Variants in TRMT9B observed in about 807,000 individuals in gnomAD.
TRMT9B encodes the protein tRNA methyltransferase 9B (putative).
Under a neutral mutation model 11.5 loss-of-function variants are expected in TRMT9B, and 16 were observed. The observed-to-expected ratio is 1.39, with a 90% CI of 0.94 to 2.11. TRMT9B has a LOEUF of 2.11. Among genes scored for constraint, TRMT9B ranks in the 30% most tolerant of loss-of-function variants. The pLI is 0.00. For missense variants in TRMT9B, 941 were observed against 553.8 expected, an observed-to-expected ratio of 1.70 and a Z score of -7.02; for synonymous variants, 274 against 192.4, an observed-to-expected ratio of 1.42 and a Z score of -3.51.
At chr8:13,007,423 C>G (rs571419899) in intron 3 of TRMT9B, 2 of 152,170 alleles carry the variant, frequency 1.3e-5, no homozygotes, top group African/African-American at 4.8e-5. Context: ...CCTAAAACTG[C>G]GTTCTAGCAA....
intron 1 of TRMT9B, among the ~76,000 whole-genome samples, chr8:12,989,500 C>T (rs1309788361): frequency 6.6e-6 from 1 of 152,120 alleles, no homozygotes; most frequent in Non-Finnish European, 1.5e-5. Flanking sequence ...CACACATATG[C>T]CTCCTACTTC....
intron 2 of TRMT9B, among the ~76,000 whole-genome samples, chr8:12,991,789 G>C (rs1443733546): frequency 6.6e-6 from 1 of 152,088 alleles, no homozygotes; most frequent in Admixed American, 6.6e-5. Context: ...AACTTAGCCA[G>C]GCGTGGTGGT....
chr8:13,007,048 T>G (rs1478613833), intron 3 of TRMT9B: 1 of 152,292 alleles, frequency 6.6e-6, no homozygotes, highest in Admixed American at 6.5e-5. Context: ...ATTGATTGAC[T>G]AAATCAGGAT....
chr8:13,023,435 C>A lies in TRMT9B; in HGVS notation c.*1391C>A, dbSNP rs539477677. The A allele has an allele frequency of 6.0e-6, 1 of 167,188 alleles. No homozygotes were observed. Among genetic ancestry groups the A allele is most frequent in the South Asian group, 2.1e-4 (1 of 4,826 alleles). 10.4% of individuals were successfully genotyped at this position (167,188 alleles called of 1,614,324 possible). A position where few individuals can be genotyped will look rare whatever the true frequency, so the allele number is the denominator to read the frequency against. ...ATATTAGGAATTTAGGTAGAATCAACTTCTACTGATTACAGGTTGAATTTC... is the reference window on the plus strand; with the variant it reads ...ATATTAGGAATTTAGGTAGAATCAAATTCTACTGATTACAGGTTGAATTTC... On this transcript the variant is annotated 3_prime_UTR_variant, in exon 5 of 5. Coordinates refer to ENST00000524591, the MANE Select transcript of TRMT9B (RefSeq NM_020844.3).
At chr8:12,984,950 AACATACACACACAC>A (rs1359833488) in intron 1 of TRMT9B, among the ~76,000 whole-genome samples, 7 of 112,336 alleles carry the variant, frequency 6.2e-5, no homozygotes, top group Admixed American at 4.9e-4. Context: ...CACCTCCCTC[AACATACACACACAC>A]ACACACACAC....
intron 1 of TRMT9B, among the ~76,000 whole-genome samples, chr8:12,986,444 G>A (rs779858972): frequency 1.3e-5 from 2 of 152,160 alleles, no homozygotes; most frequent in Admixed American, 6.5e-5. Flanking sequence ...GTCAATTATG[G>A]AACATATGTT....
intron 2 of TRMT9B, among the ~76,000 whole-genome samples, chr8:12,991,823 C>T (rs1411486626): frequency 2.0e-5 from 3 of 152,170 alleles, no homozygotes; most frequent in Non-Finnish European, 2.9e-5. Context: ...CCCAACTACT[C>T]GGGAGGCTGG....
intron 1 of TRMT9B, among the ~76,000 whole-genome samples, chr8:12,947,065 G>A (rs1227877949): frequency 6.6e-6 from 1 of 152,196 alleles, no homozygotes; most frequent in African/African-American, 2.4e-5. Context: ...CTCTTGGTTA[G>A]CATGTCTGTC....
In TRMT9B at chr8:13,026,484, C is replaced by T. The variant is rs1222950173; in HGVS notation, c.*4440C>T. 6.0e-6 allele frequency: 1 copy of T among 166,748 alleles called. No individual in the cohort carries two copies. The highest frequency in any genetic ancestry group is 1.5e-5 in the Non-Finnish European group (1 of 68,144). 10.3% of individuals were successfully genotyped at this position (166,748 alleles called of 1,614,324 possible). On this transcript the variant is annotated 3_prime_UTR_variant, in exon 5 of 5. Coordinates refer to ENST00000524591, the MANE Select transcript of TRMT9B (RefSeq NM_020844.3). Reference sequence around the variant, plus strand: ...GGGGGGAGGGGTTGTGCGGCTGGGGCCTCACTTCCCCTCCTTCCCCTTCTC... The same window carrying T: ...GGGGGGAGGGGTTGTGCGGCTGGGGTCTCACTTCCCCTCCTTCCCCTTCTC...
intron 1 of TRMT9B, among the ~76,000 whole-genome samples, chr8:12,978,723 G>A (rs1485990592): frequency 1.3e-5 from 2 of 152,126 alleles, no homozygotes; most frequent in South Asian, 4.1e-4. Context: ...CATACACAGC[G>A]TCTCAACTCT....
chr8:12,949,866 A>T (rs1241671085), intron 1 of TRMT9B, among the ~76,000 whole-genome samples: 2 of 151,908 alleles, frequency 1.3e-5, no homozygotes, highest in African/African-American at 4.8e-5. Context: ...TTATTTATTT[A>T]CTTATTTTGA....
chr8:13,021,948 G>T lies in TRMT9B; in HGVS notation c.1269G>T (p.Leu423=). ...TTCGAGAAGGGGAGCTCTGCAGTCT[G>T]CTCAAGGAGAATGTGTCAGAGCTCC... ...HVFREGELCS[L]LKENVSELRI... The change falls in exon 5 of 5, where the codon CTG becomes CTT. Residue 423 remains leucine (L), a synonymous_variant. Transcript: ENST00000524591. 1 of 1,613,694 alleles carries T rather than the reference G, an allele frequency of 6.2e-7. No individual in the cohort carries two copies. Among genetic ancestry groups the T allele is most frequent in the Non-Finnish European group, 8.5e-7 (1 of 1,179,802 alleles).
chr8:12,966,975 G>C (rs538480446), intron 1 of TRMT9B, among the ~76,000 whole-genome samples: 3 of 152,284 alleles, frequency 2.0e-5, no homozygotes, highest in Non-Finnish European at 2.9e-5. Flanking sequence ...TTTAGGGCTA[G>C]GTAGTACTCT....
In TRMT9B at chr8:13,021,391, G is replaced by A. The variant is rs777678546; in HGVS notation, c.712G>A (p.Gly238Arg). 1.9e-6 allele frequency: 3 copies of A among 1,614,014 alleles called. No homozygotes were observed. The South Asian group carries it at 3.3e-5, about 18-fold the overall frequency. ...TTCTAAGGAAGGCGAGGAAGAATAT[G>A]GATTTTACAGCACATTAGGAAAATC... ...NISKEGEEEY[G>R]FYSTLGKSFR... The change falls in exon 5 of 5, where the codon GGA becomes AGA. Residue 238 changes from glycine to arginine, a missense_variant. Gly to Arg is a moderately radical substitution (Grantham distance 125). Transcript: ENST00000524591.
At chr8:13,018,535 C>T (rs1474458656) in intron 4 of TRMT9B, among the ~76,000 whole-genome samples, 1 of 151,810 alleles carries the variant, frequency 6.6e-6, no homozygotes, top group African/African-American at 2.4e-5. Context: ...TCTTATACCA[C>T]CCCCCAAAAA....
At chr8:12,972,876 CA>C (rs2128869298) in intron 1 of TRMT9B, among the ~76,000 whole-genome samples, 1 of 152,320 alleles carries the variant, frequency 6.6e-6, no homozygotes, top group South Asian at 2.1e-4. Flanking sequence ...TTATATAACT[CA>C]GGGGCGTTAA....
rs1814387865 is a variant in TRMT9B at position 13,024,131 on chromosome 8, CCT to C, written c.*2089_*2090del. The C allele has an allele frequency of 1.3e-5, 2 of 151,260 alleles. No individual in the cohort carries two copies. The highest frequency in any genetic ancestry group is 3.0e-5 in the Non-Finnish European group (2 of 67,282). The allele number at this position is 151,260 out of a possible 1,614,324, so 9.4% of individuals were successfully genotyped here. The stretch of plus-strand genomic sequence containing the variant: ...CGATCTCGGCTCACTGTAAGCTCCG[CCT>C]CCCGGGTTCACGCCATCCTCCTGCC... On this transcript the variant is annotated 3_prime_UTR_variant, in exon 5 of 5. Transcript: ENST00000524591.
At chr8:12,958,750 A>G (rs1801642486) in intron 1 of TRMT9B, 1 of 152,222 alleles carries the variant, frequency 6.6e-6, no homozygotes, top group African/African-American at 2.4e-5. Flanking sequence ...TACACCATGG[A>G]ATACTATGCA....
Position 13,021,497 on chromosome 8 carries a change from AC to A in TRMT9B, c.819del (p.Asn273LysfsTer10). Reference protein sequence around the residue: ...KQIERVRPLKNTEVWASSTVT... With the variant: ...KQIERVRPLKXTEVWASSTVT... The stretch of plus-strand genomic sequence containing the variant: ...ATTGAAAGAGTAAGACCCTTGAAAA[AC>A]ACAGAAGTTTGGGCCAGTAGCACTG... On this transcript the variant is annotated frameshift_variant, in exon 5 of 5. Transcript: ENST00000524591. LOFTEE classifies it low-confidence loss of function (END_TRUNC). 1 of 1,613,608 alleles carries A rather than the reference AC, an allele frequency of 6.2e-7. No individual in the cohort carries two copies. Among genetic ancestry groups the A allele is most frequent in the African/African-American group, 1.3e-5 (1 of 75,012 alleles).
Sources: gnomAD v4.1 joint callset for allele counts (sites outside exome capture counted in the v4.1 genomes callset) on GRCh38, gnomAD v4.1.1 for gene constraint, MANE v1.5 for transcripts, NCBI Gene and HGNC (gene_info 2026-07-23, HGNC 2026-07-21) for gene names.